ZFHX3: variants seen among roughly 807,000 people sequenced by gnomAD.
The protein encoded by ZFHX3 is zinc finger homeobox 3, also known as zinc finger homeobox protein 3.
ZFHX3 carries 42 observed loss-of-function variants against 279.1 expected under a neutral mutation model. That is an observed-to-expected ratio of 0.15 (90% CI 0.12 to 0.19). The LOEUF (loss-of-function observed/expected upper bound fraction) is 0.19. ZFHX3 is among the 10% of genes least tolerant of loss of function. The probability of loss-of-function intolerance (pLI) is 1.00; values close to 1 mark genes in which losing one functional copy is unlikely to be tolerated. For synonymous variants in ZFHX3, 2,293 were observed against 1,957.8 expected (o/e 1.17, Z -4.52); for missense variants, 4,981 against 4,754.0 (o/e 1.05, Z -1.40).
At chr16:73,468,912 C>G (rs986966276) in intron 2 of ZFHX3, among the ~76,000 whole-genome samples, 4 of 152,294 alleles carry the variant, frequency 2.6e-5, no homozygotes, top group African/African-American at 9.6e-5. Flanking sequence ...GGTCTCCTTT[C>G]TGGATTGACT....
At chr16:73,713,573 C>T (rs563201652) in intron 1 of ZFHX3, among the ~76,000 whole-genome samples, 16 of 151,960 alleles carry the variant, frequency 1.1e-4, no homozygotes, top group African/African-American at 3.1e-4. Flanking sequence ...TCAAAGTACC[C>T]GCAGCCAACG....
intron 3 of ZFHX3, chr16:73,387,392 G>C (rs1405774327): frequency 6.6e-6 from 1 of 152,138 alleles, no homozygotes; most frequent in Non-Finnish European, 1.5e-5. Context: ...GGGAAAATCA[G>C]ACATTAGGCT....
intron 3 of ZFHX3, among the ~76,000 whole-genome samples, chr16:72,913,049 T>C (rs1484788166): frequency 6.6e-6 from 1 of 152,218 alleles, no homozygotes; most frequent in African/African-American, 2.4e-5. Flanking sequence ...AAAACAGGCC[T>C]GGTTTTTGAA....
rs568450023 is a variant in ZFHX3, at chr16:73,653,405, T to G, written c.-1547+26775A>C. Among the ~76,000 whole-genome samples, 60 of 152,274 alleles carry G rather than the reference T, an allele frequency of 3.9e-4. No individual in the cohort carries two copies. In the Middle Eastern group the frequency reaches 0.014, roughly 35 times the overall value. On this transcript the variant is annotated intron_variant, in intron 2 of 17. Coordinates refer to the ZFHX3 transcript ENST00000641206. ...ACAGAGCATTTTCTCTGATCAGACCTCAATTAAACAGAAATCATTAAACAA... is the reference window on the plus strand; with the variant it reads ...ACAGAGCATTTTCTCTGATCAGACCGCAATTAAACAGAAATCATTAAACAA...
At chr16:73,710,527 G>A (rs984884752) in intron 1 of ZFHX3, among the ~76,000 whole-genome samples, 3 of 152,278 alleles carry the variant, frequency 2.0e-5, no homozygotes, top group Admixed American at 6.5e-5. Context: ...AGGTTGCACC[G>A]CTTGAGTTTT....
chr16:72,823,157 A>G (rs2036842031), intron 5 of ZFHX3, among the ~76,000 whole-genome samples: 2 of 152,218 alleles, frequency 1.3e-5, no homozygotes, highest in East Asian at 3.8e-4. Context: ...CACAATTCCA[A>G]TCTACGTGTG....
chr16:73,593,908 C>T (rs901478941), intron 2 of ZFHX3, among the ~76,000 whole-genome samples: 6 of 152,190 alleles, frequency 3.9e-5, no homozygotes, highest in African/African-American at 1.4e-4. Flanking sequence ...CTTTGTCTGA[C>T]ACAACGTATT....
chr16:73,105,410 C>CACACACACACACATATATATATAT lies in ZFHX3; in HGVS notation c.-896-11813_-896-11812insATATATATATATGTGTGTGTGTGT, dbSNP rs1200521848. 2.9e-4 allele frequency among the ~76,000 whole-genome samples: 34 copies of CACACACACACACATATATATATAT among 116,940 alleles called. No homozygotes were observed. The East Asian group carries it at 3.6e-3, about 12-fold the overall frequency. 76.7% of individuals were successfully genotyped at this position (116,940 alleles called of 152,430 possible). On this transcript the variant is annotated intron_variant, in intron 7 of 17. Coordinates refer to the ZFHX3 transcript ENST00000641206. Reference sequence around the variant, plus strand: ...ACACACACACATATATATATATATACACACACACATATATATATATATACA... The same window carrying CACACACACACACATATATATATAT: ...ACACACACACATATATATATATATACACACACACACACATATATATATATACACACACATATATATATATATACA...
At chr16:73,449,877 T>G (rs1271370904) in intron 3 of ZFHX3, among the ~76,000 whole-genome samples, 1 of 144,830 alleles carries the variant, frequency 6.9e-6, no homozygotes, top group Admixed American at 6.6e-5. Context: ...AGAACTATAT[T>G]CTGGCAAAAA....
intron 3 of ZFHX3, among the ~76,000 whole-genome samples, chr16:72,901,560 A>C (rs2039036535): frequency 6.6e-6 from 1 of 152,172 alleles, no homozygotes; most frequent in African/African-American, 2.4e-5. Context: ...TGACGGGGCG[A>C]GGCAGAAAAA....
intron 1 of ZFHX3, among the ~76,000 whole-genome samples, chr16:73,769,489 T>C (rs1216312035): frequency 6.6e-6 from 1 of 152,198 alleles, no homozygotes; most frequent in Non-Finnish European, 1.5e-5. Flanking sequence ...AGTACCATGC[T>C]ACCATTCTTA....
At chr16:73,317,633 A>T (rs770253918) in intron 4 of ZFHX3, among the ~76,000 whole-genome samples, 1 of 152,206 alleles carries the variant, frequency 6.6e-6, no homozygotes, top group Non-Finnish European at 1.5e-5. Context: ...TGGAGAGGTT[A>T]GTGGCCATTG....
chr16:72,972,335 T>G (rs1962144341), intron 1 of ZFHX3, among the ~76,000 whole-genome samples: 1 of 152,160 alleles, frequency 6.6e-6, no homozygotes, highest in Non-Finnish European at 1.5e-5. Flanking sequence ...GGAGAGAGTC[T>G]GACCTACTTA....
chr16:73,530,079 A>G (rs1462175390), intron 2 of ZFHX3, among the ~76,000 whole-genome samples: 4 of 152,172 alleles, frequency 2.6e-5, no homozygotes, highest in Non-Finnish European at 1.5e-5. Context: ...AGACAAAAAG[A>G]GGTTTAATGG....
At chr16:73,077,316 C>T (rs935119627) in intron 8 of ZFHX3, among the ~76,000 whole-genome samples, 1 of 151,914 alleles carries the variant, frequency 6.6e-6, no homozygotes, top group Non-Finnish European at 1.5e-5. Context: ...TATAAGTTCC[C>T]AACACTGCAT....
intron 1 of ZFHX3, among the ~76,000 whole-genome samples, chr16:73,033,625 G>A (rs1187052418): frequency 6.6e-6 from 1 of 152,168 alleles, no homozygotes; most frequent in Admixed American, 6.5e-5. Flanking sequence ...GCAGAGGCCA[G>A]CGCCGGGGCC....
chr16:72,878,023 T>A (rs949981979), intron 4 of ZFHX3, among the ~76,000 whole-genome samples: 6 of 151,846 alleles, frequency 4.0e-5, no homozygotes, highest in Non-Finnish European at 7.4e-5. Flanking sequence ...AGTGAGACCC[T>A]GTCTACAAAT....
intron 4 of ZFHX3, among the ~76,000 whole-genome samples, chr16:73,264,447 T>C (rs748121023): frequency 6.6e-6 from 1 of 152,096 alleles, no homozygotes; most frequent in Non-Finnish European, 1.5e-5. Flanking sequence ...TGCCCTCATA[T>C]AGGAGATTCT....
At chr16:73,008,363 G>T (rs1054623099) in intron 1 of ZFHX3, among the ~76,000 whole-genome samples, 2 of 151,998 alleles carry the variant, frequency 1.3e-5, no homozygotes. Context: ...CAAGTAACTG[G>T]ATTTCATTAA....
Sources: gnomAD v4.1 joint callset for allele counts (sites outside exome capture counted in the v4.1 genomes callset) on GRCh38, gnomAD v4.1.1 for gene constraint, MANE v1.5 for transcripts, NCBI Gene and HGNC (gene_info 2026-07-23, HGNC 2026-07-21) for gene names.